The following FBXL17 variants were observed in gnomAD, a reference collection of about 807,000 sequenced individuals.
FBXL17 encodes the protein F-box/LRR-repeat protein 17.
In FBXL17, 22 loss-of-function variants were observed where a neutral mutation model predicts 66.2. The ratio of observed to expected loss-of-function variants is 0.33; its 90% CI spans 0.24 to 0.47. FBXL17 has a LOEUF of 0.47. Ranked by LOEUF, FBXL17 falls within the 20% of genes least tolerant of loss-of-function variation. The probability of loss-of-function intolerance (pLI) is 1.00; values close to 1 mark genes in which losing one functional copy is unlikely to be tolerated. For missense variants in FBXL17, 878 were observed against 948.2 expected (o/e 0.93, Z 0.97); for synonymous variants, 474 against 400.5 (o/e 1.18, Z -2.19).
intron 7 of FBXL17, among the ~76,000 whole-genome samples, chr5:107,927,006 T>A (rs1750544856): frequency 6.6e-6 from 1 of 152,042 alleles, no homozygotes; most frequent in Non-Finnish European, 1.5e-5. Context: ...AATTGAAAAT[T>A]GCATAAGTGA....
chr5:108,278,107 C>A (rs1212088801), intron 4 of FBXL17, among the ~76,000 whole-genome samples: 3 of 152,118 alleles, frequency 2.0e-5, no homozygotes, highest in African/African-American at 7.2e-5. Context: ...TGGGAGTTAT[C>A]CCCAGTATGG....
At chr5:108,274,274 C>T (rs920002606) in intron 4 of FBXL17, among the ~76,000 whole-genome samples, 2 of 152,108 alleles carry the variant, frequency 1.3e-5, no homozygotes, top group Non-Finnish European at 2.9e-5. Context: ...CCATAAGAGA[C>T]GACCACGCCC....
intron 4 of FBXL17, among the ~76,000 whole-genome samples, chr5:108,284,504 C>T (rs1308522196): frequency 1.3e-5 from 2 of 151,624 alleles, no homozygotes; most frequent in African/African-American, 4.8e-5. Flanking sequence ...AAAATGAGCT[C>T]TCATGGATGT....
chr5:108,311,914 T>G (rs1759138709), intron 4 of FBXL17, among the ~76,000 whole-genome samples: 1 of 152,122 alleles, frequency 6.6e-6, no homozygotes, highest in African/African-American at 2.4e-5. Context: ...AGAGTTCTAG[T>G]TAGTCCCTTT....
intron 6 of FBXL17, among the ~76,000 whole-genome samples, chr5:108,101,656 A>G (rs979953587): frequency 1.3e-5 from 2 of 152,270 alleles, no homozygotes; most frequent in Non-Finnish European, 2.9e-5. Flanking sequence ...ATAATTAGCC[A>G]TTTTAAAATA....
intron 7 of FBXL17, among the ~76,000 whole-genome samples, chr5:108,012,448 C>T (rs1047109084): frequency 2.0e-5 from 3 of 152,028 alleles, no homozygotes; most frequent in South Asian, 2.1e-4. Context: ...ATAATTAGAT[C>T]TCATGGGGTA....
intron 6 of FBXL17, among the ~76,000 whole-genome samples, chr5:108,032,084 T>C (rs781773143): frequency 2.0e-5 from 3 of 152,162 alleles, no homozygotes; most frequent in Non-Finnish European, 4.4e-5. Flanking sequence ...GAATTCACAA[T>C]CTTCTCAACT....
intron 1 of FBXL17, among the ~76,000 whole-genome samples, chr5:108,374,341 A>C (rs1222600844): frequency 2.0e-5 from 3 of 152,194 alleles, no homozygotes; most frequent in Admixed American, 2.0e-4. Flanking sequence ...AGCTCATACA[A>C]AGTATCTTTT....
intron 4 of FBXL17, among the ~76,000 whole-genome samples, chr5:108,233,930 T>C (rs1755482004): frequency 6.6e-6 from 1 of 152,048 alleles, no homozygotes; most frequent in Non-Finnish European, 1.5e-5. Context: ...CTGCACTCAA[T>C]CAGAAATCTT....
chr5:108,346,467 C>T (rs1194440402), intron 4 of FBXL17, among the ~76,000 whole-genome samples: 1 of 152,002 alleles, frequency 6.6e-6, no homozygotes, highest in Non-Finnish European at 1.5e-5. Context: ...CTTTGGGAAA[C>T]CATTGGCTAA....
chr5:108,142,419 G>C (rs1259995550), intron 6 of FBXL17, among the ~76,000 whole-genome samples: 2 of 152,102 alleles, frequency 1.3e-5, no homozygotes, highest in Non-Finnish European at 2.9e-5. Context: ...CAAAATAATA[G>C]AGTAAATGGT....
Position 108,252,041 on chromosome 5 carries a change from T to C in FBXL17, c.1507-27813A>G, listed in dbSNP as rs1459553252. 2.0e-5 allele frequency among the ~76,000 whole-genome samples: 3 copies of C among 152,090 alleles called. No individual in the cohort carries two copies. The East Asian group carries it at 5.8e-4, about 29-fold the overall frequency. On this transcript the variant is annotated intron_variant, in intron 4 of 8. Transcript: ENST00000542267. Reference sequence around the variant, plus strand: ...CACATGGACAATAACCATGATAAGATCTGTATATGCAGATATGTGTGTACT... The same window carrying C: ...CACATGGACAATAACCATGATAAGACCTGTATATGCAGATATGTGTGTACT...
At chr5:108,201,509 TTAA>T (rs1311339704) in intron 5 of FBXL17, among the ~76,000 whole-genome samples, 1 of 151,992 alleles carries the variant, frequency 6.6e-6, no homozygotes, top group Non-Finnish European at 1.5e-5. Flanking sequence ...CCTATAACTA[TTAA>T]TGTTTTTAAT....
rs143076398 is a variant in FBXL17 at position 108,213,734 on chromosome 5, G to A, written c.1614+10387C>T. On this transcript the variant is annotated intron_variant, in intron 5 of 8. Transcript: ENST00000542267. ...TGCAGACCAGAGCTGTTCCTATTCAGCCATCTTGCCAGCAATCTATGGCAA... is the reference window on the plus strand; with the variant it reads ...TGCAGACCAGAGCTGTTCCTATTCAACCATCTTGCCAGCAATCTATGGCAA... Among the ~76,000 whole-genome samples, 32 of 152,202 alleles carry A rather than the reference G, an allele frequency of 2.1e-4. 1 individual carries two copies. The East Asian group carries it at 6.2e-3, about 29-fold the overall frequency.
chr5:107,887,318 C>T (rs1749007225), intron 7 of FBXL17, among the ~76,000 whole-genome samples: 1 of 152,124 alleles, frequency 6.6e-6, no homozygotes, highest in Admixed American at 6.6e-5. Context: ...AATGGAACCT[C>T]GGATATATAA....
chr5:108,177,664 C>T (rs10062405), intron 6 of FBXL17, among the ~76,000 whole-genome samples: 3 of 151,952 alleles, frequency 2.0e-5, no homozygotes, highest in Non-Finnish European at 4.4e-5. Context: ...GTGAGCCCTT[C>T]ATGGTAGGAG....
At chr5:108,020,811 T>C (rs1754568354) in intron 7 of FBXL17, 114 bp downstream of exon 7, 1 of 726,224 alleles carries the variant, frequency 1.4e-6, no homozygotes, top group Non-Finnish European at 2.4e-6. Flanking sequence ...ACAATGAGCA[T>C]AAGTGACGAT....
At chr5:108,264,071 T>C (rs1756945543) in intron 4 of FBXL17, among the ~76,000 whole-genome samples, 1 of 151,732 alleles carries the variant, frequency 6.6e-6, no homozygotes. Context: ...AAAAATTATC[T>C]GGGCATCATG....
At chr5:108,243,827 C>G (rs968823983) in intron 4 of FBXL17, among the ~76,000 whole-genome samples, 3 of 151,908 alleles carry the variant, frequency 2.0e-5, no homozygotes, top group Non-Finnish European at 4.4e-5. Flanking sequence ...AATAGAAAAA[C>G]CAGAAATAGT....
Sources: gnomAD v4.1 joint callset for allele counts (sites outside exome capture counted in the v4.1 genomes callset) on GRCh38, gnomAD v4.1.1 for gene constraint, MANE v1.5 for transcripts, NCBI Gene and HGNC (gene_info 2026-07-23, HGNC 2026-07-21) for gene names.